Variants in ZNF316 observed in about 807,000 individuals in gnomAD.
ZNF316 encodes the protein zinc finger protein 316.
Under a neutral mutation model 75.6 loss-of-function variants are expected in ZNF316, and 23 were observed. That is an observed-to-expected ratio of 0.30 (90% confidence interval 0.22 to 0.43). ZNF316 has a LOEUF of 0.43. Among genes scored for constraint, ZNF316 ranks in the 20% least tolerant of loss-of-function variants. The pLI is 1.00. For synonymous variants in ZNF316, 827 were observed against 666.2 expected (o/e 1.24, Z -3.72); for missense variants, 1,266 against 1,409.4 (o/e 0.90, Z 1.63).
At chr7:6,649,406 C>A (rs1779465703) in intron 8 of ZNF316, among the ~76,000 whole-genome samples, 2 of 152,204 alleles carry the variant, frequency 1.3e-5, no homozygotes, top group Admixed American at 6.5e-5. Flanking sequence ...GAAACATGCA[C>A]CAGCCCCTCC....
rs1314102266 is a variant in ZNF316, at chr7:6,654,523, T to C, written c.2927T>C (p.Leu976Pro). Residue 976 changes from leucine to proline, a missense_variant, in exon 9 of 9, where the codon CTG (leucine) becomes CCG (proline). Physicochemically the swap from Leu to Pro is moderately conservative, Grantham distance 98. This residue lies in a region of ZNF316 where 111 missense variants were observed against 99.2 expected (regional missense o/e 1.12). Coordinates refer to ENST00000382252, the MANE Select transcript of ZNF316 (RefSeq NM_001278559.2). ...CCCGGTGAGCGCGGCAGCGCCCTGC[T>C]GGAGTTCGCGGGCGGCACAAGCTTC... ...AGPGERGSAL[L>P]EFAGGTSFGS... 2 of 1,178,226 alleles carry C rather than the reference T, an allele frequency of 1.7e-6. No individual in the cohort carries two copies. Among genetic ancestry groups the C allele is most frequent in the Non-Finnish European group, 2.1e-6 (2 of 953,590 alleles). 73.0% of individuals were successfully genotyped at this position (1,178,226 alleles called of 1,614,324 possible).
chr7:6,651,296 G>C (rs545222532), intron 8 of ZNF316, among the ~76,000 whole-genome samples: 1 of 152,070 alleles, frequency 6.6e-6, no homozygotes, highest in South Asian at 2.1e-4. Context: ...GTTGCGGTGG[G>C]CCGAGATTCG....
In ZNF316 at chr7:6,653,289, A is replaced by AC; in HGVS notation, c.1698dup (p.Ser567GlnfsTer325). 8.2e-7 allele frequency: 1 copy of AC among 1,226,978 alleles called. No individual in the cohort carries two copies. The highest frequency in any genetic ancestry group is 1.0e-6 in the Non-Finnish European group (1 of 985,750). The allele number at this position is 1,226,978 out of a possible 1,614,324, so 76.0% of individuals were successfully genotyped here. A position where few individuals can be genotyped will look rare whatever the true frequency, so the allele number is the denominator to read the frequency against. On this transcript the variant is annotated frameshift_variant, in exon 9 of 9. Transcript: ENST00000382252. LOFTEE classifies it high-confidence loss of function. Reference sequence around the variant, plus strand: ...AGAGGAGGCGGCGGTGGCGGCGCCCACCCCCAGCGGCAAGGTGGACCCCGC... The same window carrying AC: ...AGAGGAGGCGGCGGTGGCGGCGCCCACCCCCCAGCGGCAAGGTGGACCCCGC...
At position 6,655,060 on chromosome 7, in the gene ZNF316, C is replaced by G. The variant is rs1175891200; in HGVS notation, c.*449C>G. On this transcript the variant is annotated 3_prime_UTR_variant, in exon 9 of 9. Coordinates refer to ENST00000382252, the MANE Select transcript of ZNF316 (RefSeq NM_001278559.2). ...ATGCCTGGGAGGCCGGTGGGTTTGGCTGACCACTTCTTCCCATTCCTCAGT... is the reference window on the plus strand; with the variant it reads ...ATGCCTGGGAGGCCGGTGGGTTTGGGTGACCACTTCTTCCCATTCCTCAGT... 1 of 152,528 alleles carries G rather than the reference C, an allele frequency of 6.6e-6. No homozygotes were observed. The allele number at this position is 152,528 out of a possible 1,614,324, so 9.4% of individuals were successfully genotyped here. A position where few individuals can be genotyped will look rare whatever the true frequency, so the allele number is the denominator to read the frequency against.
At chr7:6,643,791 C>T (rs969515387) in intron 6 of ZNF316, 31 bp from the exon 7 acceptor site, 1 of 1,233,156 alleles carries the variant, frequency 8.1e-7, no homozygotes, top group Non-Finnish European at 1.0e-6. Context: ...AGGGCTCCCT[C>T]AGCCTCTCAC....
rs374272202 is a variant in ZNF316 at position 6,644,544 on chromosome 7, A to C, written c.657A>C (p.Pro219=). ...RLEQGEEPWV[P]DSPRPEEGDI... is the part of the protein sequence containing the mutation. ...AACAAGGGGAAGAACCTTGGGTCCC[A>C]GATAGTCCCCGACCTGAGGAAGGAG... The change falls in exon 8 of 9, where the codon CCA becomes CCC. Residue 219 remains proline, a synonymous_variant. Coordinates refer to ENST00000382252, the MANE Select transcript of ZNF316 (RefSeq NM_001278559.2). The C allele has an allele frequency of 1.6e-6, 2 of 1,232,268 alleles. No individual in the cohort carries two copies. The highest frequency in any genetic ancestry group is 2.0e-6 in the Non-Finnish European group (2 of 988,056). 76.3% of individuals were successfully genotyped at this position (1,232,268 alleles called of 1,614,324 possible).
intron 2 of ZNF316, among the ~76,000 whole-genome samples, chr7:6,638,770 C>T (rs1298712037): frequency 1.3e-5 from 2 of 152,148 alleles, no homozygotes; most frequent in African/African-American, 4.8e-5. Flanking sequence ...GTGAAGCTCC[C>T]TGTGGCCTCT....
Position 6,640,454 on chromosome 7 carries a change from C to T in ZNF316, c.-167+1313C>T, listed in dbSNP as rs939972527. Reference sequence around the variant, plus strand: ...AAGCAAGAGAGAGTGAGTGGGGAGGCGCCACACACTTTTAAAGACGACCAG... The same window carrying T: ...AAGCAAGAGAGAGTGAGTGGGGAGGTGCCACACACTTTTAAAGACGACCAG... On this transcript the variant is annotated intron_variant, in intron 3 of 8. Coordinates refer to ENST00000382252, the MANE Select transcript of ZNF316 (RefSeq NM_001278559.2). The surrounding 1 kb of genome is among the most constrained non-coding windows in gnomAD (Gnocchi z 5.1). Among the ~76,000 whole-genome samples the T allele has an allele frequency of 1.3e-5, 2 of 152,032 alleles. No homozygotes were observed. Among genetic ancestry groups the T allele is most frequent in the East Asian group, 1.9e-4 (1 of 5,172 alleles).
intron 8 of ZNF316, among the ~76,000 whole-genome samples, chr7:6,646,756 C>A (rs1466705104): frequency 6.6e-6 from 1 of 152,174 alleles, no homozygotes; most frequent in Non-Finnish European, 1.5e-5. Context: ...GTCGGCTGAG[C>A]TGGTTGAGAT....
At chr7:6,644,987 A>T (rs1418505409) in intron 8 of ZNF316, among the ~76,000 whole-genome samples, 1 of 152,138 alleles carries the variant, frequency 6.6e-6, no homozygotes, top group African/African-American at 2.4e-5. Flanking sequence ...CATGTCTGGG[A>T]AAAGGCTCCC....
In ZNF316 at chr7:6,653,985, C is replaced by A; in HGVS notation, c.2389C>A (p.His797Asn). Residue 797 changes from histidine to asparagine, a missense_variant, in exon 9 of 9, where the codon CAC (histidine) becomes AAC (asparagine). Coordinates refer to ENST00000382252, the MANE Select transcript of ZNF316 (RefSeq NM_001278559.2). ...RAHLTAHGRA[H>N]TGERPYACGE... is the part of the protein sequence containing the mutation. ...GCACTTGACGGCGCACGGGCGCGCG[C>A]ACACCGGGGAGCGGCCTTACGCGTG... 1 of 1,178,446 alleles carries A rather than the reference C, an allele frequency of 8.5e-7. No homozygotes were observed. The highest frequency in any genetic ancestry group is 1.0e-6 in the Non-Finnish European group (1 of 954,238). 73.0% of individuals were successfully genotyped at this position (1,178,446 alleles called of 1,614,324 possible).
chr7:6,644,596 G>A lies in ZNF316; in HGVS notation c.706+3G>A, dbSNP rs1421445193. ...CATCGTCACTGGCGTCTACACAGGT[G>A]AGCGTGGATGGAATTTTGCGGTTTG... On this transcript the variant is annotated splice_donor_region_variant and intron_variant, in intron 8 of 8. Coordinates refer to ENST00000382252, the MANE Select transcript of ZNF316 (RefSeq NM_001278559.2). 22 of 1,230,116 alleles carry A rather than the reference G, an allele frequency of 1.8e-5. No individual in the cohort carries two copies. In the East Asian group the frequency reaches 5.7e-4, roughly 32 times the overall value. 76.2% of individuals were successfully genotyped at this position (1,230,116 alleles called of 1,614,324 possible).
At chr7:6,646,274 G>T (rs1779401603) in intron 8 of ZNF316, among the ~76,000 whole-genome samples, 4 of 152,220 alleles carry the variant, frequency 2.6e-5, no homozygotes, top group Admixed American at 2.6e-4. Flanking sequence ...CCAGGTTTCA[G>T]TCAGGAGGGC....
chr7:6,657,321 A>T lies in ZNF316; in HGVS notation c.*2710A>T, dbSNP rs1350141115. Among the ~76,000 whole-genome samples, 1 of 150,120 alleles carries T rather than the reference A, an allele frequency of 6.7e-6. No homozygotes were observed. Among genetic ancestry groups the T allele is most frequent in the Non-Finnish European group, 1.5e-5 (1 of 67,334 alleles). On this transcript the variant is annotated 3_prime_UTR_variant, in exon 9 of 9. Transcript: ENST00000382252. ...AGCAACCTAATATTTCAAAAAAAAAAAAAAAAAAAAAAAAAAAGCCGGGCA... is the reference window on the plus strand; with the variant it reads ...AGCAACCTAATATTTCAAAAAAAAATAAAAAAAAAAAAAAAAAGCCGGGCA...
rs1364084182 is a variant in ZNF316 at position 6,653,040 on chromosome 7, G to T, written c.1444G>T (p.Asp482Tyr). The T allele has an allele frequency of 2.5e-6, 3 of 1,219,784 alleles. No homozygotes were observed. The highest frequency in any genetic ancestry group is 3.1e-6 in the Non-Finnish European group (3 of 980,380). 75.6% of individuals were successfully genotyped at this position (1,219,784 alleles called of 1,614,324 possible). The stretch of plus-strand genomic sequence containing the variant: ...ACGGCACCAGGCGGTGCACACGGCC[G>T]ACCGCCCGCACTGCTGTCCCGACTG... ...LARHQAVHTA[D>Y]RPHCCPDCGQ... The change falls in exon 9 of 9, where the codon GAC becomes TAC. Residue 482 changes from aspartate to tyrosine, a missense_variant. Coordinates refer to ENST00000382252, the MANE Select transcript of ZNF316 (RefSeq NM_001278559.2).
At chr7:6,647,284 G>A (rs920263196) in intron 8 of ZNF316, among the ~76,000 whole-genome samples, 2 of 152,122 alleles carry the variant, frequency 1.3e-5, no homozygotes, top group African/African-American at 4.8e-5. Context: ...CCTGGCCAAG[G>A]CCATGCAGCT....
rs563935136 is a variant in ZNF316 at position 6,640,597 on chromosome 7, G to A, written c.-166-1228G>A. Among the ~76,000 whole-genome samples the A allele has an allele frequency of 6.6e-6, 1 of 152,214 alleles. No individual in the cohort carries two copies. Among genetic ancestry groups the A allele is most frequent in the African/African-American group, 2.4e-5 (1 of 41,470 alleles). On this transcript the variant is annotated intron_variant, in intron 3 of 8. Transcript: ENST00000382252. This position sits in a 1 kb window ranked among gnomAD's most constrained non-coding sequence, Gnocchi z 5.1. ...CCCCGCCTCCAGCATTGGGGATTAC[G>A]GTTCAGCGTGAGATCTGGGCGGGGA... is the stretch of plus-strand genomic sequence containing the variant.
chr7:6,654,768 C>T lies in ZNF316; in HGVS notation c.*157C>T, dbSNP rs767713825. The T allele has an allele frequency of 1.0e-3, 587 of 581,784 alleles. 1 individual carries two copies. The highest frequency in any genetic ancestry group is 1.3e-3 in the Non-Finnish European group (558 of 421,960). The allele number at this position is 581,784 out of a possible 1,614,324, so 36.0% of individuals were successfully genotyped here. ...GCCCTGCGGCCCCGGGTCTCATGCCCGCCGGGTCCGTGTGCTCAGCCGGAG... is the reference window on the plus strand; with the variant it reads ...GCCCTGCGGCCCCGGGTCTCATGCCTGCCGGGTCCGTGTGCTCAGCCGGAG... On this transcript the variant is annotated 3_prime_UTR_variant, in exon 9 of 9. Coordinates refer to ENST00000382252, the MANE Select transcript of ZNF316 (RefSeq NM_001278559.2).
intron 8 of ZNF316, among the ~76,000 whole-genome samples, chr7:6,649,951 T>G (rs901110234): frequency 6.6e-6 from 1 of 152,172 alleles, no homozygotes; most frequent in South Asian, 2.1e-4. Flanking sequence ...TCTGGGCAGC[T>G]GAGACTTCTG....
Sources: allele counts gnomAD v4.1 joint callset (sites outside exome capture counted in the v4.1 genomes callset), GRCh38; gene constraint gnomAD v4.1.1; regional missense constraint gnomAD v4.1.1; non-coding constraint Gnocchi (gnomAD v3.1); transcripts MANE v1.5; gene names NCBI Gene and HGNC (gene_info 2026-07-23, HGNC 2026-07-21).